The following CENPC variants were observed in gnomAD, a reference collection of about 807,000 sequenced individuals.
The protein encoded by CENPC is centromere protein C, also known as CENP-C 1.
A neutral mutation model predicts 112.1 loss-of-function variants in CENPC; 63 were observed. That is an observed-to-expected ratio of 0.56 (90% CI 0.46 to 0.69). The LOEUF is 0.69. Ranked by LOEUF, CENPC falls within the 30% of genes least tolerant of loss-of-function variation. The pLI is 0.00. For missense variants in CENPC, 1,000 were observed against 1,103.8 expected (o/e 0.91, Z 1.33); for synonymous variants, 333 against 367.6 (o/e 0.91, Z 1.08).
At chr4:67,515,471 GA>G (rs1172096790) in intron 7 of CENPC, among the ~76,000 whole-genome samples, 29 of 140,536 alleles carry the variant, frequency 2.1e-4, no homozygotes, top group Non-Finnish European at 3.3e-4. Context: ...ATCTCAGACA[GA>G]AAAAAAAAAA....
At chr4:67,481,103 T>C (rs1028090551) in intron 17 of CENPC, among the ~76,000 whole-genome samples, 6 of 152,156 alleles carry the variant, frequency 3.9e-5, no homozygotes, top group African/African-American at 1.2e-4. Flanking sequence ...ACTTTCAGGA[T>C]ACAAAATCAA....
At chr4:67,514,869 T>C (rs1726012630) in intron 7 of CENPC, among the ~76,000 whole-genome samples, 182 bp from the exon 8 acceptor site, 1 of 152,004 alleles carries the variant, frequency 6.6e-6, no homozygotes, top group African/African-American at 2.4e-5. Context: ...TTCACCCTTA[T>C]TTATAATAGT....
rs759590814 is a variant in CENPC, at chr4:67,541,057, A to C, written c.66-7T>G. The C allele has an allele frequency of 3.1e-6, 5 of 1,592,732 alleles. No homozygotes were observed. The South Asian group carries it at 4.6e-5, about 15-fold the overall frequency. On this transcript the variant is annotated splice_polypyrimidine_tract_variant and splice_region_variant and intron_variant, in intron 2 of 18. Transcript: ENST00000273853. ...TGTGTTAATGTCACGTGCCCTAATAAAGGAAAAATACAGCCTGTCATTTTC... is the reference window on the plus strand; with the variant it reads ...TGTGTTAATGTCACGTGCCCTAATACAGGAAAAATACAGCCTGTCATTTTC...
At chr4:67,491,462 TATATATATATATATATATAGAG>T (rs1225244474) in intron 16 of CENPC, among the ~76,000 whole-genome samples, 1 of 65,720 alleles carries the variant, frequency 1.5e-5, no homozygotes, top group African/African-American at 5.6e-5. Flanking sequence ...TATATATATA[TATATATATATATATATATAGAG>T]AGAGAGAGAG....
intron 7 of CENPC, among the ~76,000 whole-genome samples, chr4:67,517,116 G>GA (rs1726079272): frequency 6.6e-6 from 1 of 151,826 alleles, no homozygotes; most frequent in East Asian, 1.9e-4. Context: ...AGCAGAGACT[G>GA]AACAAAAGGG....
chr4:67,505,430 T>C (rs1424591572), intron 11 of CENPC, 146 bp from the exon 12 acceptor site: 4 of 612,724 alleles, frequency 6.5e-6, no homozygotes, highest in Non-Finnish European at 1.2e-5. Context: ...CAAAAATATA[T>C]AGTCATCCCT....
At chr4:67,535,929 A>C (rs1436064256) in intron 4 of CENPC, among the ~76,000 whole-genome samples, 1 of 152,136 alleles carries the variant, frequency 6.6e-6, no homozygotes, top group Non-Finnish European at 1.5e-5. Flanking sequence ...TGGAGGAGGA[A>C]AAGTGGGGTC....
chr4:67,502,244 C>T (rs1725610430), intron 12 of CENPC, among the ~76,000 whole-genome samples: 1 of 151,748 alleles, frequency 6.6e-6, no homozygotes, highest in African/African-American at 2.4e-5. Context: ...ACCAACTTTA[C>T]AAAGAAGTAA....
At chr4:67,505,364 C>T in intron 11 of CENPC, 80 bp from the exon 12 acceptor site, 4 of 800,266 alleles carry the variant, frequency 5.0e-6, no homozygotes, top group Non-Finnish European at 8.0e-6. Context: ...GATCATTTTT[C>T]TCCTAAAACT....
At chr4:67,473,312 G>C (rs1234494480) in intron 18 of CENPC, among the ~76,000 whole-genome samples, 1 of 152,116 alleles carries the variant, frequency 6.6e-6, no homozygotes, top group Non-Finnish European at 1.5e-5. Context: ...AATACAGATG[G>C]ACCGCAAGTA....
intron 8 of CENPC, among the ~76,000 whole-genome samples, chr4:67,513,045 G>C (rs527487913): frequency 1.6e-4 from 24 of 152,274 alleles, no homozygotes; most frequent in African/African-American, 5.5e-4. Context: ...TGTGGTCAGA[G>C]AGATGAGATG....
intron 12 of CENPC, among the ~76,000 whole-genome samples, chr4:67,501,603 T>C (rs930146995): frequency 6.6e-5 from 10 of 152,204 alleles, no homozygotes; most frequent in Admixed American, 5.2e-4. Flanking sequence ...GACTGGATCC[T>C]GAGCTAGAAG....
At chr4:67,536,765 T>C (rs940864465) in intron 4 of CENPC, among the ~76,000 whole-genome samples, 6 of 149,944 alleles carry the variant, frequency 4.0e-5, no homozygotes, top group Non-Finnish European at 5.9e-5. Context: ...ATAAAGAATA[T>C]ATGAAAAATA....
At chr4:67,495,871 A>G (rs1034158374) in intron 12 of CENPC, among the ~76,000 whole-genome samples, 2 of 152,242 alleles carry the variant, frequency 1.3e-5, no homozygotes, top group African/African-American at 4.8e-5. Flanking sequence ...TAGCACCTAA[A>G]GATGGCTGTC....
intron 18 of CENPC, among the ~76,000 whole-genome samples, chr4:67,473,898 T>C (rs1724736109): frequency 6.6e-6 from 1 of 152,138 alleles, no homozygotes; most frequent in African/African-American, 2.4e-5. Flanking sequence ...GACAAGTGGA[T>C]TAAAATGCCT....
chr4:67,529,097 T>C (rs974938182), intron 5 of CENPC, among the ~76,000 whole-genome samples: 1 of 152,210 alleles, frequency 6.6e-6, no homozygotes, highest in Non-Finnish European at 1.5e-5. Flanking sequence ...CATATATTTA[T>C]TGGCCAATTG....
intron 12 of CENPC, among the ~76,000 whole-genome samples, chr4:67,495,599 G>T (rs752521559): frequency 6.6e-6 from 1 of 151,978 alleles, no homozygotes; most frequent in Non-Finnish European, 1.5e-5. Context: ...GACTGTATTC[G>T]CTCCCTTGGA....
chr4:67,526,885 T>A (rs1354827895), intron 5 of CENPC, among the ~76,000 whole-genome samples: 1 of 152,118 alleles, frequency 6.6e-6, no homozygotes, highest in Admixed American at 6.5e-5. Context: ...ACATGCAATA[T>A]CTTGGGTCAT....
chr4:67,505,568 T>C (rs1043595419), intron 11 of CENPC, among the ~76,000 whole-genome samples: 16 of 152,222 alleles, frequency 1.1e-4, no homozygotes, highest in Non-Finnish European at 2.1e-4. Flanking sequence ...ATACTTTAAA[T>C]CATATCTAGG....
Sources: allele counts gnomAD v4.1 joint callset (sites outside exome capture counted in the v4.1 genomes callset), GRCh38; gene constraint gnomAD v4.1.1; transcripts MANE v1.5; gene names NCBI Gene and HGNC (gene_info 2026-07-23, HGNC 2026-07-21).